ACACA: variants seen among roughly 807,000 people sequenced by gnomAD.
ACACA encodes acetyl-CoA carboxylase 1.
ACACA carries 103 observed loss-of-function variants against 296.1 expected under a neutral mutation model. The ratio of observed to expected loss-of-function variants is 0.35; its 90% CI spans 0.30 to 0.41. The LOEUF (loss-of-function observed/expected upper bound fraction) is 0.41, where lower values mean the gene tolerates loss of function less well. ACACA is among the 10% of genes least tolerant of loss of function. ACACA has a pLI of 1.00. For missense variants in ACACA, 1,554 were observed against 2,989.7 expected (o/e 0.52, Z 11.20); for synonymous variants, 953 against 1,038.6 (o/e 0.92, Z 1.58).
intron 5 of ACACA, among the ~76,000 whole-genome samples, chr17:37,280,445 G>T (rs1448612128): frequency 6.6e-6 from 1 of 152,130 alleles, no homozygotes; most frequent in Non-Finnish European, 1.5e-5. Flanking sequence ...GGGTTCAAGT[G>T]ATCCGCCTGC....
Position 37,087,118 on chromosome 17 carries a change from G to A in ACACA, c.*198C>T, listed in dbSNP as rs1397957673. ...GTAATAAATACTGAATGGGGTAGGT[G>A]TGACTGGTGGGCTGGAGGGGGATTC... is the stretch of plus-strand genomic sequence containing the variant. On this transcript the variant is annotated 3_prime_UTR_variant, in exon 56 of 56. Transcript: ENST00000616317. 12 of 716,444 alleles carry A rather than the reference G, an allele frequency of 1.7e-5. No homozygotes were observed. The highest frequency in any genetic ancestry group is 2.6e-5 in the Non-Finnish European group (11 of 417,840). 44.4% of individuals were successfully genotyped at this position (716,444 alleles called of 1,614,324 possible).
intron 1 of ACACA, among the ~76,000 whole-genome samples, chr17:37,403,659 T>A (rs1236293975): frequency 6.6e-6 from 1 of 152,154 alleles, no homozygotes; most frequent in Non-Finnish European, 1.5e-5. Flanking sequence ...ATCCCAGGTG[T>A]GAGGCACCGT....
intron 45 of ACACA, among the ~76,000 whole-genome samples, chr17:37,135,911 TC>T (rs1319202272): frequency 6.0e-5 from 9 of 151,212 alleles, no homozygotes; most frequent in African/African-American, 2.0e-4. Context: ...AAACAGGAAT[TC>T]TTTTTTTTTT....
chr17:37,128,023 TCAAAA>T (rs2074891474), intron 47 of ACACA, among the ~76,000 whole-genome samples: 1 of 22,532 alleles, frequency 4.4e-5, no homozygotes, highest in African/African-American at 2.1e-4. Context: ...AAACTCCATC[TCAAAA>T]AAAAAAAAAA....
chr17:37,274,663 C>G, intron 8 of ACACA: 1 of 985,398 alleles, frequency 1.0e-6, no homozygotes, highest in Non-Finnish European at 1.2e-6. Context: ...GCCAAGAGGT[C>G]TGGGAAATAA....
intron 2 of ACACA, among the ~76,000 whole-genome samples, chr17:37,335,143 C>T (rs2147268970): frequency 6.6e-6 from 1 of 152,212 alleles, no homozygotes. Context: ...ACATGAAACC[C>T]TCCATACCCA....
chr17:37,139,022 G>A (rs952893741), intron 45 of ACACA, among the ~76,000 whole-genome samples: 1 of 152,124 alleles, frequency 6.6e-6, no homozygotes, highest in Non-Finnish European at 1.5e-5. Context: ...TGGGCTTCAG[G>A]CTGGGGTTGG....
At chr17:37,274,521 C>T in intron 8 of ACACA, 1 of 801,924 alleles carries the variant, frequency 1.2e-6, no homozygotes, top group South Asian at 5.7e-5. Context: ...GCCAGCCGAA[C>T]TAACAGGGAG....
At chr17:37,239,548 C>T (rs1177531723) in intron 24 of ACACA, among the ~76,000 whole-genome samples, 1 of 152,162 alleles carries the variant, frequency 6.6e-6, no homozygotes, top group East Asian at 1.9e-4. Context: ...TTCCATTTCA[C>T]TCCTAGTTTC....
chr17:37,134,756 C>T (rs1220635838), intron 45 of ACACA, among the ~76,000 whole-genome samples: 1 of 152,210 alleles, frequency 6.6e-6, no homozygotes, highest in Non-Finnish European at 1.5e-5. Context: ...TGAGTCCTCG[C>T]TGCAATCCTC....
At chr17:37,314,143 C>A (rs575451240) in intron 3 of ACACA, among the ~76,000 whole-genome samples, 2 of 147,268 alleles carry the variant, frequency 1.4e-5, no homozygotes, top group South Asian at 4.3e-4. Flanking sequence ...CACTCTGTCA[C>A]CCAGGCTGGA....
At chr17:37,238,382 A>T (rs9907032) in intron 24 of ACACA, among the ~76,000 whole-genome samples, 1 of 148,786 alleles carries the variant, frequency 6.7e-6, no homozygotes, top group African/African-American at 2.5e-5. Flanking sequence ...TGCCTCCTCT[A>T]TCATAAAATA....
intron 1 of ACACA, among the ~76,000 whole-genome samples, chr17:37,404,464 T>C (rs1048740046): frequency 6.6e-6 from 1 of 152,074 alleles, no homozygotes; most frequent in African/African-American, 2.4e-5. Context: ...TCCATCCTCC[T>C]GCCTCAGTCT....
Position 37,202,522 on chromosome 17 carries a change from A to G in ACACA, c.4057-2039T>C, listed in dbSNP as rs187736006. 7.9e-5 allele frequency among the ~76,000 whole-genome samples: 12 copies of G among 151,938 alleles called. No individual in the cohort carries two copies. The East Asian group carries it at 2.3e-3, about 29-fold the overall frequency. ...CTAGAAGATTATTTGGACAATTTGG[A>G]TCAACCTATTTGATAGTTTAATGTG... On this transcript the variant is annotated intron_variant, in intron 33 of 55. Coordinates refer to ENST00000616317, the MANE Select transcript of ACACA (RefSeq NM_198834.3).
At chr17:37,303,675 T>G (rs1332860635) in intron 3 of ACACA, among the ~76,000 whole-genome samples, 1 of 152,152 alleles carries the variant, frequency 6.6e-6, no homozygotes, top group African/African-American at 2.4e-5. Flanking sequence ...CTGGCCCACA[T>G]GGTGAAACCC....
chr17:37,250,970 C>A (rs986115226), intron 16 of ACACA, among the ~76,000 whole-genome samples: 93 of 149,608 alleles, frequency 6.2e-4, no homozygotes, highest in African/African-American at 2.2e-3. Flanking sequence ...GACCTTGCAG[C>A]GAGCCGAGAT....
chr17:37,373,694 G>A (rs1295911621), intron 1 of ACACA, among the ~76,000 whole-genome samples: 1 of 152,192 alleles, frequency 6.6e-6, no homozygotes, highest in Non-Finnish European at 1.5e-5. Flanking sequence ...CACTGGATGA[G>A]AACAGCAAGC....
intron 45 of ACACA, among the ~76,000 whole-genome samples, chr17:37,145,958 CA>C (rs1408076516): frequency 6.6e-6 from 1 of 152,020 alleles, no homozygotes; most frequent in Non-Finnish European, 1.5e-5. Context: ...GGTGAGTTCA[CA>C]GGGGGAAAAG....
rs144690330 is a variant in ACACA at position 37,245,178 on chromosome 17, A to C, written c.2497T>G (p.Ser833Ala). 1 of 1,613,874 alleles carries C rather than the reference A, an allele frequency of 6.2e-7. No individual in the cohort carries two copies. The highest frequency in any genetic ancestry group is 8.5e-7 in the Non-Finnish European group (1 of 1,179,950). ...KMVMTLTAVE[S>A]GCIHYVKRPG... ...CGCTTGACGTAATGGATACAGCCAG[A>C]CTCCACAGCTGTTAAGGTCATTACC... is the stretch of plus-strand genomic sequence containing the variant. The change falls in exon 20 of 56, where the codon TCT becomes GCT. Residue 833 changes from serine to alanine, a missense_variant. By Grantham distance (99) the Ser-to-Ala change is moderately conservative. Transcript: ENST00000616317.
Sources: gnomAD v4.1 joint callset for allele counts (sites outside exome capture counted in the v4.1 genomes callset) on GRCh38, gnomAD v4.1.1 for gene constraint, MANE v1.5 for transcripts, NCBI Gene and HGNC (gene_info 2026-07-23, HGNC 2026-07-21) for gene names.